Variants in DPP6 observed in about 807,000 individuals in gnomAD.
DPP6 encodes dipeptidyl peptidase like 6.
A neutral mutation model predicts 122.6 loss-of-function variants in DPP6; 69 were observed. The observed-to-expected ratio is 0.56, with a 90% CI of 0.46 to 0.69. DPP6 has a LOEUF of 0.69. DPP6 is among the 30% of genes least tolerant of loss of function. The pLI, the probability that DPP6 is intolerant of heterozygous loss-of-function variation, is 0.00. For synonymous variants in DPP6, 418 were observed against 433.1 expected (o/e 0.97, Z 0.43); for missense variants, 928 against 1,116.9 (o/e 0.83, Z 2.41).
chr7:154,623,643 G>GCACACACA (rs1416654124), intron 5 of DPP6, among the ~76,000 whole-genome samples: 2 of 59,670 alleles, frequency 3.4e-5, no homozygotes, highest in Admixed American at 3.0e-4. Flanking sequence ...GTGCACACAC[G>GCACACACA]CGCACACACG....
At chr7:154,846,481 C>T (rs1195007573) in intron 16 of DPP6, among the ~76,000 whole-genome samples, 1 of 152,144 alleles carries the variant, frequency 6.6e-6, no homozygotes, top group African/African-American at 2.4e-5. Flanking sequence ...GCAACATTAG[C>T]GGAAAGTCAG....
At chr7:154,770,510 G>A (rs924494493) in intron 9 of DPP6, among the ~76,000 whole-genome samples, 1 of 152,148 alleles carries the variant, frequency 6.6e-6, no homozygotes, top group Non-Finnish European at 1.5e-5. Context: ...ATTCCACCAT[G>A]TGACCATACA....
intron 5 of DPP6, among the ~76,000 whole-genome samples, chr7:154,632,279 G>A (rs112094492): frequency 1.3e-5 from 2 of 152,312 alleles, no homozygotes; most frequent in African/African-American, 4.8e-5. Context: ...TAGGCTAAAC[G>A]TGACTTAACG....
chr7:154,264,271 A>G (rs532738155), intron 1 of DPP6, among the ~76,000 whole-genome samples: 28 of 152,228 alleles, frequency 1.8e-4, no homozygotes, highest in Non-Finnish European at 3.5e-4. Flanking sequence ...ACAACATGAC[A>G]TGCATACAAT....
At chr7:154,360,030 T>C (rs887516513) in intron 1 of DPP6, among the ~76,000 whole-genome samples, 2 of 152,218 alleles carry the variant, frequency 1.3e-5, no homozygotes, top group African/African-American at 4.8e-5. Context: ...GCTGCTTGGC[T>C]TTGAGATGTA....
chr7:154,277,674 A>G (rs1585809680), intron 1 of DPP6, among the ~76,000 whole-genome samples: 1 of 152,202 alleles, frequency 6.6e-6, no homozygotes, highest in Admixed American at 6.5e-5. Context: ...CTGAGGCAGG[A>G]GAATTGCTTG....
chr7:154,427,249 A>G (rs980642663), intron 1 of DPP6, among the ~76,000 whole-genome samples: 4 of 152,220 alleles, frequency 2.6e-5, no homozygotes, highest in African/African-American at 4.8e-5. Flanking sequence ...ATTGTTTTGT[A>G]TTCACAAAAT....
At chr7:154,388,226 C>T (rs1242188936) in intron 1 of DPP6, among the ~76,000 whole-genome samples, 2 of 152,102 alleles carry the variant, frequency 1.3e-5, no homozygotes, top group African/African-American at 2.4e-5. Flanking sequence ...TTGCTTGAGC[C>T]TGAAAGGTCG....
intron 1 of DPP6, among the ~76,000 whole-genome samples, chr7:153,990,772 C>T (rs1204325283): frequency 2.0e-5 from 3 of 152,134 alleles, no homozygotes; most frequent in Non-Finnish European, 4.4e-5. Flanking sequence ...GGTGACCTGT[C>T]CACATTTAAC....
At chr7:153,882,162 T>TGATTTGTAAAA (rs1798775708), upstream of DPP6, among the ~76,000 whole-genome samples, 1 of 152,238 alleles carries the variant, frequency 6.6e-6, no homozygotes, top group Admixed American at 6.5e-5. Flanking sequence ...CATACCTGTG[T>TGATTTGTAAAA]GATTTGTAAA....
intron 1 of DPP6, among the ~76,000 whole-genome samples, chr7:154,416,506 T>C (rs979569041): frequency 1.3e-5 from 2 of 152,320 alleles, no homozygotes; most frequent in Non-Finnish European, 2.9e-5. Context: ...TTGTTATACA[T>C]GTTCTATTTT....
At chr7:153,848,511 C>T in the DPP6 span, among the ~76,000 whole-genome samples, 1 of 152,182 alleles carries the variant, frequency 6.6e-6, no homozygotes, top group Non-Finnish European at 1.5e-5. Context: ...TGACCAATCT[C>T]CTACAGAACA....
intron 1 of DPP6, among the ~76,000 whole-genome samples, chr7:153,947,799 G>A (rs1023506017): frequency 1.3e-5 from 2 of 152,206 alleles, no homozygotes; most frequent in Non-Finnish European, 2.9e-5. Flanking sequence ...GCTGTCTCCA[G>A]TGGGGCATTT....
the DPP6 span, among the ~76,000 whole-genome samples, chr7:153,800,132 A>G: frequency 1.3e-5 from 2 of 152,248 alleles, no homozygotes; most frequent in Non-Finnish European, 1.5e-5. Context: ...CCATTTTATT[A>G]CAGCACTATT....
At chr7:154,276,128 C>T (rs1163273840) in intron 1 of DPP6, among the ~76,000 whole-genome samples, 1 of 152,194 alleles carries the variant, frequency 6.6e-6, no homozygotes, top group East Asian at 1.9e-4. Context: ...TACAATGCTT[C>T]TTTACTGAGG....
chr7:153,825,741 A>G, the DPP6 span, among the ~76,000 whole-genome samples: 2 of 152,034 alleles, frequency 1.3e-5, no homozygotes, highest in Admixed American at 1.3e-4. Flanking sequence ...TTGTATTTTT[A>G]GTAGAAACGA....
intron 23 of DPP6, 102 bp from the exon 24 acceptor site, chr7:154,889,170 T>C (rs950787731): frequency 6.7e-7 from 1 of 1,491,202 alleles, no homozygotes; most frequent in African/African-American, 1.4e-5. Context: ...CTTAGTGTTT[T>C]CAATACACTT....
At chr7:153,983,865 A>G (rs1796713192) in intron 1 of DPP6, among the ~76,000 whole-genome samples, 1 of 151,632 alleles carries the variant, frequency 6.6e-6, no homozygotes. Flanking sequence ...CTCACCCTCC[A>G]TGGGCTGCAC....
intron 1 of DPP6, among the ~76,000 whole-genome samples, chr7:154,297,514 A>G (rs2150973969): frequency 6.6e-6 from 1 of 152,336 alleles, no homozygotes; most frequent in East Asian, 1.9e-4. Flanking sequence ...TCTTGCCAGT[A>G]TTCTCTGCTC....
Sources: gnomAD v4.1 joint callset for allele counts (sites outside exome capture counted in the v4.1 genomes callset) on GRCh38, gnomAD v4.1.1 for gene constraint, MANE v1.5 for transcripts, NCBI Gene and HGNC (gene_info 2026-07-23, HGNC 2026-07-21) for gene names.